TMX4: variants seen among roughly 807,000 people sequenced by gnomAD.
TMX4 encodes thioredoxin related transmembrane protein 4.
In TMX4, 23 loss-of-function variants were observed where a neutral mutation model predicts 33.3. The ratio of observed to expected loss-of-function variants is 0.69; its 90% confidence interval spans 0.50 to 0.98. The LOEUF is 0.98. Among genes scored for constraint, TMX4 ranks in the 50% least tolerant of loss-of-function variants. TMX4 has a pLI of 0.00. For synonymous variants in TMX4, 164 were observed against 161.5 expected (o/e 1.02, Z -0.12); for missense variants, 399 against 448.9 (o/e 0.89, Z 1.01).
At position 8,019,686 on chromosome 20, in the gene TMX4, C is replaced by A; in HGVS notation, c.-73G>T. On this transcript the variant is annotated 5_prime_UTR_variant, in exon 1 of 8. Coordinates refer to ENST00000246024, the MANE Select transcript of TMX4 (RefSeq NM_021156.4). ...GCGGCCGGCCCGCAGCCTCGCTCGC[C>A]CGCCGGGTTTTTCAAGGAAGCGGGA... The A allele has an allele frequency of 2.4e-6, 3 of 1,237,164 alleles. No individual in the cohort carries two copies. Among genetic ancestry groups the A allele is most frequent in the Non-Finnish European group, 3.1e-6 (3 of 979,522 alleles). 76.6% of individuals were successfully genotyped at this position (1,237,164 alleles called of 1,614,324 possible).
rs143996926 is a variant in TMX4 at position 7,986,743 on chromosome 20, G to A, written c.615+545C>T. Among the ~76,000 whole-genome samples the A allele has an allele frequency of 5.8e-3, 877 of 152,196 alleles. 6 individuals carry two copies. The highest frequency in any genetic ancestry group is 9.1e-3 in the Non-Finnish European group (618 of 68,008). ...AATACCTGGGGAGAAAATACCTGGG[G>A]AGATATATACTGCATACTGATTTTC... On this transcript the variant is annotated intron_variant, in intron 6 of 7. Transcript: ENST00000246024.
intron 7 of TMX4, 65 bp downstream of exon 7, chr20:7,983,729 A>C: frequency 1.5e-6 from 2 of 1,371,410 alleles, no homozygotes; most frequent in Admixed American, 1.9e-5. Context: ...TATCTATATG[A>C]GCACAAAAAG....
Position 8,018,508 on chromosome 20 carries a change from G to GTCTC in TMX4, c.176+929_176+930insGAGA, listed in dbSNP as rs1568541295. Among the ~76,000 whole-genome samples the GTCTC allele has an allele frequency of 9.6e-5, 5 of 52,112 alleles. 1 individual carries two copies. The highest frequency in any genetic ancestry group is 8.8e-4 in the African/African-American group (4 of 4,520). The allele number at this position is 52,112 out of a possible 152,430, so 34.2% of individuals were successfully genotyped here. On this transcript the variant is annotated intron_variant, in intron 1 of 7. Coordinates refer to ENST00000246024, the MANE Select transcript of TMX4 (RefSeq NM_021156.4). ...AGAGAGAGAGAGAGAGAGAGAGAGA[G>GTCTC]AGAGAGAGAGAGAGAGAGAGTCTGC...
rs570586514 is a variant in TMX4 at position 7,983,956 on chromosome 20, C to G, written c.616-99G>C. The G allele has an allele frequency of 5.1e-5, 40 of 780,582 alleles. No individual in the cohort carries two copies. In the South Asian group the frequency reaches 7.0e-4, roughly 14 times the overall value. 48.4% of individuals were successfully genotyped at this position (780,582 alleles called of 1,614,324 possible). The stretch of plus-strand genomic sequence containing the variant: ...GCTTCTATAATCAGATATTCTTAGA[C>G]TAATAATTAGCAGCTAGTCAAAAGT... On this transcript the variant is annotated intron_variant, in intron 6 of 7. Transcript: ENST00000246024.
chr20:7,987,759 A>C (rs1407202041), intron 5 of TMX4, among the ~76,000 whole-genome samples: 2 of 152,132 alleles, frequency 1.3e-5, no homozygotes, highest in Non-Finnish European at 2.9e-5. Context: ...TGGGCCTCTG[A>C]CTTTTTAGTA....
intron 1 of TMX4, among the ~76,000 whole-genome samples, chr20:8,018,349 G>GGA (rs1158887842): frequency 2.8e-4 from 24 of 86,378 alleles, no homozygotes; most frequent in East Asian, 2.5e-3. Flanking sequence ...GAGAGAGGAG[G>GGA]GAGAGAGAGA....
At chr20:7,988,049 A>C (rs1440988649) in intron 5 of TMX4, among the ~76,000 whole-genome samples, 1 of 152,216 alleles carries the variant, frequency 6.6e-6, no homozygotes, top group Non-Finnish European at 1.5e-5. Context: ...GAGTGAAGGG[A>C]CATAATCACA....
intron 2 of TMX4, among the ~76,000 whole-genome samples, chr20:8,008,317 GT>G (rs2122875436): frequency 6.6e-6 from 1 of 151,906 alleles, no homozygotes; most frequent in East Asian, 1.9e-4. Context: ...ATTAGACTTT[GT>G]TTTTTCAATA....
intron 6 of TMX4, among the ~76,000 whole-genome samples, chr20:7,984,870 G>A (rs2050623864): frequency 6.6e-6 from 1 of 151,866 alleles, no homozygotes; most frequent in Admixed American, 6.6e-5. Flanking sequence ...AAAAAATTTG[G>A]ATCCTAGCTT....
chr20:7,982,738 G>C, intron 7 of TMX4, 117 bp from the exon 8 acceptor site: 1 of 1,167,710 alleles, frequency 8.6e-7, no homozygotes, highest in Non-Finnish European at 1.2e-6. Flanking sequence ...TTTCTATCTT[G>C]AAACTATGGT....
intron 2 of TMX4, among the ~76,000 whole-genome samples, chr20:8,001,995 G>C (rs977081419): frequency 2.0e-5 from 3 of 152,066 alleles, no homozygotes; most frequent in African/African-American, 4.8e-5. Context: ...ACAAACTATA[G>C]GTATGATTAC....
intron 5 of TMX4, among the ~76,000 whole-genome samples, chr20:7,992,831 A>G (rs538505108): frequency 1.5e-4 from 23 of 152,326 alleles, no homozygotes; most frequent in Non-Finnish European, 4.4e-5. Flanking sequence ...GATCTTCTAG[A>G]TATCTTCTAG....
intron 7 of TMX4, among the ~76,000 whole-genome samples, chr20:7,983,012 T>C (rs1180612855): frequency 6.6e-6 from 1 of 152,212 alleles, no homozygotes; most frequent in Non-Finnish European, 1.5e-5. Flanking sequence ...CAGCCTCTTT[T>C]TCTTCAGGGA....
chr20:7,995,554 T>C (rs74556246), intron 5 of TMX4, among the ~76,000 whole-genome samples: 2,094 of 152,294 alleles, frequency 0.014, 54 homozygotes, highest in East Asian at 0.065. Flanking sequence ...AACTGTACCA[T>C]TGTAGCATGA....
Position 8,018,528 on chromosome 20 carries a change from G to GAC in TMX4, c.176+909_176+910insGT, listed in dbSNP as rs1568541378. ...AGAGAGAGAGAGAGAGAGAGAGAGA[G>GAC]TCTGCAAGCCCACCATGATGGTCTC... is the stretch of plus-strand genomic sequence containing the variant. On this transcript the variant is annotated intron_variant, in intron 1 of 7. Transcript: ENST00000246024. 1.4e-4 allele frequency among the ~76,000 whole-genome samples: 6 copies of GAC among 41,980 alleles called. 2 individuals are homozygous for GAC. In the African/African-American group the frequency reaches 1.7e-3, roughly 12 times the overall value. 27.5% of individuals were successfully genotyped at this position (41,980 alleles called of 152,430 possible).
chr20:8,017,050 C>T (rs576167563), intron 1 of TMX4, among the ~76,000 whole-genome samples: 10 of 151,962 alleles, frequency 6.6e-5, no homozygotes, highest in Admixed American at 6.5e-4. Flanking sequence ...TCATAGCAGG[C>T]CTCTAGTGGT....
intron 7 of TMX4, among the ~76,000 whole-genome samples, chr20:7,983,560 G>A (rs763823254): frequency 6.6e-6 from 1 of 152,008 alleles, no homozygotes; most frequent in Non-Finnish European, 1.5e-5. Context: ...GATTAATGAA[G>A]AGCACATACT....
At chr20:7,984,747 A>T (rs570500875) in intron 6 of TMX4, among the ~76,000 whole-genome samples, 3 of 152,236 alleles carry the variant, frequency 2.0e-5, no homozygotes, top group African/African-American at 7.2e-5. Context: ...CCATCATCTT[A>T]ATTTATCCTA....
chr20:7,983,875 ATT>A lies in TMX4; in HGVS notation c.616-20_616-19del, dbSNP rs2050619676. 1.2e-6 allele frequency: 2 copies of A among 1,605,410 alleles called. No individual in the cohort carries two copies. On this transcript the variant is annotated intron_variant, in intron 6 of 7. Transcript: ENST00000246024. ...ACCAAGACCTGGAAGGAAAAAAGTG[ATT>A]TTACAGTGAATAGATAGGACATTTA...
Sources: allele counts gnomAD v4.1 joint callset (sites outside exome capture counted in the v4.1 genomes callset), GRCh38; gene constraint gnomAD v4.1.1; transcripts MANE v1.5; gene names NCBI Gene and HGNC (gene_info 2026-07-23, HGNC 2026-07-21).